BCO1: variants seen among roughly 807,000 people sequenced by gnomAD.
The protein encoded by BCO1 is beta,beta-carotene 15,15'-dioxygenase.
In BCO1, 54 loss-of-function variants were observed where a neutral mutation model predicts 56.3. The observed-to-expected ratio is 0.96, with a 90% CI of 0.77 to 1.20. The LOEUF (loss-of-function observed/expected upper bound fraction) is 1.20, where lower values mean the gene tolerates loss of function less well. BCO1 is among the 50% of genes most tolerant of loss of function. BCO1 has a pLI of 0.00. For missense variants in BCO1, 801 were observed against 690.9 expected (o/e 1.16, Z -1.79); for synonymous variants, 318 against 266.1 (o/e 1.20, Z -1.90).
At chr16:81,281,272 C>A (rs1208472881) in intron 8 of BCO1, among the ~76,000 whole-genome samples, 2 of 151,996 alleles carry the variant, frequency 1.3e-5, no homozygotes, top group Non-Finnish European at 2.9e-5. Flanking sequence ...ATGGCGAAAC[C>A]CCATCTCTAC....
intron 7 of BCO1, among the ~76,000 whole-genome samples, chr16:81,274,877 G>A (rs964305983): frequency 1.3e-5 from 2 of 151,734 alleles, no homozygotes. Flanking sequence ...ACTCCAGCAT[G>A]GGCAACAGAG....
chr16:81,286,775 T>A (rs1447165068), intron 9 of BCO1, among the ~76,000 whole-genome samples: 1 of 152,058 alleles, frequency 6.6e-6, no homozygotes, highest in Non-Finnish European at 1.5e-5. Context: ...AGAGGACCCA[T>A]GTTTAAAACT....
chr16:81,259,907 A>T (rs985229372), intron 3 of BCO1, 102 bp downstream of exon 3: 2 of 1,450,588 alleles, frequency 1.4e-6, no homozygotes, highest in East Asian at 4.6e-5. Flanking sequence ...TTTAGGGTAG[A>T]TGAAAACTCC....
chr16:81,290,740 AT>A lies in BCO1; in HGVS notation c.*167del. ...AGAGCTTGTCAGTATCATTTCTTTC[AT>A]TTTATTTTGGCTGTAAAAATTTTGT... On this transcript the variant is annotated 3_prime_UTR_variant, in exon 11 of 11. Coordinates refer to ENST00000258168, the MANE Select transcript of BCO1 (RefSeq NM_017429.3). The A allele has an allele frequency of 1.6e-6, 1 of 611,460 alleles. No homozygotes were observed. The highest frequency in any genetic ancestry group is 2.8e-6 in the Non-Finnish European group (1 of 353,766). 37.9% of individuals were successfully genotyped at this position (611,460 alleles called of 1,614,324 possible).
intron 1 of BCO1, among the ~76,000 whole-genome samples, chr16:81,239,762 C>G (rs938595983): frequency 6.6e-6 from 1 of 152,134 alleles, no homozygotes; most frequent in African/African-American, 2.4e-5. Context: ...GTAGGACCTT[C>G]TATCCTTTAG....
intron 1 of BCO1, among the ~76,000 whole-genome samples, chr16:81,240,138 G>GTATA (rs991374676): frequency 9.3e-5 from 14 of 151,236 alleles, no homozygotes; most frequent in Non-Finnish European, 4.4e-5. Flanking sequence ...CTATCAATCT[G>GTATA]TATATATATA....
intron 1 of BCO1, among the ~76,000 whole-genome samples, chr16:81,239,713 A>C (rs1303795503): frequency 6.6e-6 from 1 of 152,226 alleles, no homozygotes; most frequent in Non-Finnish European, 1.5e-5. Context: ...ATTTTCTCTC[A>C]GGAACTCACA....
intron 2 of BCO1, among the ~76,000 whole-genome samples, chr16:81,258,639 A>G (rs185376282): frequency 5.4e-4 from 83 of 152,342 alleles, no homozygotes; most frequent in African/African-American, 1.7e-3. Context: ...GCACTCTCAG[A>G]TGGGTGACCC....
chr16:81,270,277 T>TTG lies in BCO1; in HGVS notation c.963_964dup (p.Asp322ValfsTer20). On this transcript the variant is annotated frameshift_variant, in exon 7 of 11. Transcript: ENST00000258168. LOFTEE classifies it high-confidence loss of function. ...TACGAAGAGGACGGCTGCATCGTGT[T>TTG]TGACGTCATTGCCTACGAGGACAAC... 1 of 1,614,216 alleles carries TTG rather than the reference T, an allele frequency of 6.2e-7. No homozygotes were observed. Among genetic ancestry groups the TTG allele is most frequent in the Non-Finnish European group, 8.5e-7 (1 of 1,180,038 alleles).
rs79570137 is a variant in BCO1 at position 81,242,859 on chromosome 16, G to A, written c.65-2616G>A. Among the ~76,000 whole-genome samples the A allele has an allele frequency of 0.012, 1,840 of 152,160 alleles. 52 individuals are homozygous for A. The South Asian group carries it at 0.13, about 10-fold the overall frequency. On this transcript the variant is annotated intron_variant, in intron 1 of 10. Transcript: ENST00000258168. ...GGTGGCATTAGATTCTCATATGAGT[G>A]CAAACCCTACTGTGAGCGTGAACCC...
At position 81,246,868 on chromosome 16, in the gene BCO1, AG is replaced by A. The variant is rs66886470; in HGVS notation, c.193+1266del. Among the ~76,000 whole-genome samples the A allele has an allele frequency of 4.6e-3, 686 of 150,478 alleles. 28 individuals are homozygous for A. Among genetic ancestry groups the A allele is most frequent in the African/African-American group, 0.016 (640 of 40,906 alleles). On this transcript the variant is annotated intron_variant, in intron 2 of 10. Coordinates refer to ENST00000258168, the MANE Select transcript of BCO1 (RefSeq NM_017429.3). Reference sequence around the variant, plus strand: ...TTTGTCTCAAAAAAAAAAAAAAAAAAGAAGAGTACAGAGCTGGAAAGAGCAA... The same window carrying A: ...TTTGTCTCAAAAAAAAAAAAAAAAAAAAGAGTACAGAGCTGGAAAGAGCAA...
At chr16:81,242,332 C>T (rs908528978) in intron 1 of BCO1, among the ~76,000 whole-genome samples, 6 of 151,678 alleles carry the variant, frequency 4.0e-5, no homozygotes, top group Admixed American at 4.0e-4. Context: ...TCCCCAGTAG[C>T]TGGGATTACA....
At chr16:81,264,517 C>A (rs1308490918) in intron 4 of BCO1, 123 bp from the exon 5 acceptor site, 6 of 1,198,406 alleles carry the variant, frequency 5.0e-6, no homozygotes, top group African/African-American at 1.5e-5. Flanking sequence ...TCTCTCTGAA[C>A]CTAGAATCAG....
intron 4 of BCO1, 88 bp downstream of exon 4, chr16:81,262,371 G>A (rs1906543099): frequency 6.9e-7 from 1 of 1,457,862 alleles, no homozygotes; most frequent in Non-Finnish European, 9.6e-7. Context: ...CAGCCTGCAA[G>A]CAGCTTACCA....
chr16:81,283,982 G>A (rs957818415), intron 8 of BCO1, among the ~76,000 whole-genome samples: 8 of 151,190 alleles, frequency 5.3e-5, no homozygotes, highest in Admixed American at 6.6e-5. Context: ...TCAGGAGATC[G>A]AGACCATCCT....
At chr16:81,261,650 C>T (rs77211263) in intron 3 of BCO1, among the ~76,000 whole-genome samples, 4 of 152,264 alleles carry the variant, frequency 2.6e-5, no homozygotes, top group East Asian at 1.9e-4. Context: ...GCTAACTCAA[C>T]GTGGAGGTGT....
At position 81,277,278 on chromosome 16, in the gene BCO1, A is replaced by C. The variant is rs999589752; in HGVS notation, c.1102-3579A>C. Among the ~76,000 whole-genome samples, 5 of 151,838 alleles carry C rather than the reference A, an allele frequency of 3.3e-5. No individual in the cohort carries two copies. The South Asian group carries it at 1.0e-3, about 32-fold the overall frequency. ...TTGTACTCTCCTCCTGGCTCCTGTGAATTTTAGGGGCTGTGAAGTGCTTTG... is the reference window on the plus strand; with the variant it reads ...TTGTACTCTCCTCCTGGCTCCTGTGCATTTTAGGGGCTGTGAAGTGCTTTG... On this transcript the variant is annotated intron_variant, in intron 7 of 10. Coordinates refer to ENST00000258168, the MANE Select transcript of BCO1 (RefSeq NM_017429.3).
At chr16:81,266,035 A>G (rs1027907983) in intron 5 of BCO1, among the ~76,000 whole-genome samples, 19 of 145,634 alleles carry the variant, frequency 1.3e-4, no homozygotes, top group Admixed American at 6.8e-5. Context: ...CCACCCACCT[A>G]TCGATTCATC....
At chr16:81,252,486 C>T (rs1905868843) in intron 2 of BCO1, among the ~76,000 whole-genome samples, 1 of 152,160 alleles carries the variant, frequency 6.6e-6, no homozygotes, top group South Asian at 2.1e-4. Context: ...GAACTCCTGA[C>T]CTCAGGTGAT....
Sources: gnomAD v4.1 joint callset for allele counts (sites outside exome capture counted in the v4.1 genomes callset) on GRCh38, gnomAD v4.1.1 for gene constraint, MANE v1.5 for transcripts, NCBI Gene and HGNC (gene_info 2026-07-23, HGNC 2026-07-21) for gene names.